The following MFHAS1 variants were observed in gnomAD, a reference collection of about 807,000 sequenced individuals.
The protein encoded by MFHAS1 is multifunctional ROCO family signaling regulator 1, also known as malignant fibrous histiocytoma-amplified sequence 1.
MFHAS1 carries 50 observed loss-of-function variants against 70.4 expected under a neutral mutation model. The observed-to-expected ratio is 0.71, with a 90% CI of 0.57 to 0.90. MFHAS1 has a LOEUF of 0.90. Among genes scored for constraint, MFHAS1 ranks in the 40% least tolerant of loss-of-function variants. The pLI, the probability that MFHAS1 is intolerant of heterozygous loss-of-function variation, is 0.00. For synonymous variants in MFHAS1, 952 were observed against 620.0 expected, an observed-to-expected ratio of 1.54 and a Z score of -7.96; for missense variants, 1,795 against 1,347.6, an observed-to-expected ratio of 1.33 and a Z score of -5.20.
At chr8:8,831,438 G>A (rs11994101) in intron 1 of MFHAS1, among the ~76,000 whole-genome samples, 107 of 152,092 alleles carry the variant, frequency 7.0e-4, no homozygotes, top group African/African-American at 2.4e-3. Flanking sequence ...CATACTACCT[G>A]ATCTGGAAAG....
At chr8:8,833,408 C>T (rs992084869) in intron 1 of MFHAS1, among the ~76,000 whole-genome samples, 3 of 152,054 alleles carry the variant, frequency 2.0e-5, no homozygotes, top group Admixed American at 2.0e-4. Flanking sequence ...GTGGGAGGAT[C>T]GCTTGAGGCC....
intron 1 of MFHAS1, among the ~76,000 whole-genome samples, chr8:8,818,202 AG>A (rs1167830685): frequency 8.7e-6 from 1 of 114,658 alleles, no homozygotes; most frequent in Non-Finnish European, 2.3e-5. Context: ...CAGTAGACTC[AG>A]AAGAGTTTCT....
chr8:8,880,678 TTTTTTG>T lies in MFHAS1; in HGVS notation c.2998+9377_2998+9382del, dbSNP rs796901913. On this transcript the variant is annotated intron_variant, in intron 1 of 2. Transcript: ENST00000276282. ...CGGTCTAGGGCAGGACATCCCTTCC[TTTTTTG>T]TTTTTTTTTTTTTTCCCCCAGATGG... Among the ~76,000 whole-genome samples, 1,227 of 140,622 alleles carry T rather than the reference TTTTTTG, an allele frequency of 8.7e-3. 14 individuals carry two copies. The highest frequency in any genetic ancestry group is 0.026 in the African/African-American group (955 of 36,860). The allele number at this position is 140,622 out of a possible 152,430, so 92.3% of individuals were successfully genotyped here.
intron 1 of MFHAS1, among the ~76,000 whole-genome samples, chr8:8,832,054 G>GCACACACA (rs370279756): frequency 0.07 from 7,890 of 112,500 alleles, 292 homozygotes; most frequent in Middle Eastern, 0.1. Flanking sequence ...ATGCACGCGC[G>GCACACACA]CGCGCGCGCA....
intron 1 of MFHAS1, among the ~76,000 whole-genome samples, chr8:8,885,588 T>G (rs980384421): frequency 3.9e-5 from 6 of 151,980 alleles, no homozygotes; most frequent in African/African-American, 7.3e-5. Context: ...AAGAAGAAAC[T>G]TGCTCTAAGA....
chr8:8,885,731 C>A (rs1486996859), intron 1 of MFHAS1, among the ~76,000 whole-genome samples: 1 of 152,176 alleles, frequency 6.6e-6, no homozygotes, highest in Non-Finnish European at 1.5e-5. Context: ...CTTTTCGGAG[C>A]CAGGGTCTTG....
intron 2 of MFHAS1, among the ~76,000 whole-genome samples, chr8:8,794,576 C>T (rs1805829960): frequency 6.6e-6 from 1 of 152,192 alleles, no homozygotes; most frequent in African/African-American, 2.4e-5. Context: ...TCTATAAAGT[C>T]ACACAAGAGA....
chr8:8,796,811 G>C (rs1483656062), intron 2 of MFHAS1, among the ~76,000 whole-genome samples: 5 of 151,452 alleles, frequency 3.3e-5, no homozygotes, highest in Non-Finnish European at 5.9e-5. Flanking sequence ...CTGGCTAACA[G>C]GGTGAAACCC....
Position 8,841,146 on chromosome 8 carries a change from T to C in MFHAS1, c.2999-43655A>G, listed in dbSNP as rs183989076. 6.1e-3 allele frequency among the ~76,000 whole-genome samples: 923 copies of C among 152,344 alleles called. 26 individuals are homozygous for C. Among genetic ancestry groups the C allele is most frequent in the Admixed American group, 0.052 (802 of 15,292 alleles). On this transcript the variant is annotated intron_variant, in intron 1 of 2. Coordinates refer to ENST00000276282, the MANE Select transcript of MFHAS1 (RefSeq NM_004225.3). ...CGCATATTCCTTAAGATATTCTTCA[T>C]GTGCTAAAAATACCGATGGCGGGCT... is the stretch of plus-strand genomic sequence containing the variant.
chr8:8,892,797 T>G lies in MFHAS1; in HGVS notation c.262A>C (p.Ser88Arg). The G allele has an allele frequency of 6.3e-7, 1 of 1,586,212 alleles. No homozygotes were observed. The highest frequency in any genetic ancestry group is 8.6e-7 in the Non-Finnish European group (1 of 1,166,894). The change falls in exon 1 of 3, where the codon AGC becomes CGC. Residue 88 changes from serine (S) to arginine (R), a missense_variant. By Grantham distance (110) the Ser-to-Arg change is moderately radical. Transcript: ENST00000276282. This position sits in a 1 kb window ranked among gnomAD's most constrained non-coding sequence, Gnocchi z 4.7. ...VPEGLGSALG[S>R]LRVLVLRRNR... ...CTGCGCAGGACCAGGACGCGCAGGC[T>G]GCCCAGCGCCGACCCCAGCCCCTCG...
At chr8:8,817,890 G>A (rs549120546) in intron 1 of MFHAS1, among the ~76,000 whole-genome samples, 13 of 152,240 alleles carry the variant, frequency 8.5e-5, no homozygotes, top group African/African-American at 2.2e-4. Flanking sequence ...TGTGAGCTAC[G>A]GGGAGCAGCT....
intron 1 of MFHAS1, among the ~76,000 whole-genome samples, chr8:8,887,279 G>A (rs2116941839): frequency 6.6e-6 from 1 of 152,080 alleles, no homozygotes; most frequent in East Asian, 1.9e-4. Context: ...ACATAATTCT[G>A]TTCCCACATT....
intron 1 of MFHAS1, among the ~76,000 whole-genome samples, chr8:8,860,786 G>T (rs1021435583): frequency 2.0e-5 from 3 of 152,190 alleles, no homozygotes; most frequent in South Asian, 2.1e-4. Context: ...TTGAAAAAGG[G>T]TGAGAGAGAT....
At chr8:8,859,832 T>C (rs1331757033) in intron 1 of MFHAS1, among the ~76,000 whole-genome samples, 2 of 152,218 alleles carry the variant, frequency 1.3e-5, no homozygotes, top group Non-Finnish European at 2.9e-5. Flanking sequence ...AAAAGTTAGA[T>C]GTTCAACTGA....
chr8:8,851,613 T>C (rs751397879), intron 1 of MFHAS1, among the ~76,000 whole-genome samples: 2 of 152,246 alleles, frequency 1.3e-5, no homozygotes, highest in Non-Finnish European at 2.9e-5. Flanking sequence ...AAGTTTACAG[T>C]TCTTATCTAC....
At chr8:8,806,991 A>ATGAGGCACCACT (rs1277680280) in intron 1 of MFHAS1, among the ~76,000 whole-genome samples, 1 of 151,912 alleles carries the variant, frequency 6.6e-6, no homozygotes, top group South Asian at 2.1e-4. Flanking sequence ...GAAAGGAACC[A>ATGAGGCACCACT]TGAGGCACCA....
At chr8:8,800,984 G>A (rs1183790384) in intron 1 of MFHAS1, among the ~76,000 whole-genome samples, 1 of 152,136 alleles carries the variant, frequency 6.6e-6, no homozygotes, top group Non-Finnish European at 1.5e-5. Flanking sequence ...GGGAGGCCGA[G>A]GTGGGCGGAT....
At chr8:8,793,151 ATAAGAG>A (rs1388352779) in intron 2 of MFHAS1, among the ~76,000 whole-genome samples, 2 of 151,748 alleles carry the variant, frequency 1.3e-5, no homozygotes, top group African/African-American at 2.4e-5. Flanking sequence ...GAGACAAGTT[ATAAGAG>A]TAAATCATGT....
intron 1 of MFHAS1, among the ~76,000 whole-genome samples, chr8:8,881,962 G>A (rs1225689982): frequency 6.6e-6 from 1 of 152,128 alleles, no homozygotes; most frequent in South Asian, 2.1e-4. Context: ...GCTGCTAAGT[G>A]CCCCTTGCCC....
Sources: allele counts gnomAD v4.1 joint callset (sites outside exome capture counted in the v4.1 genomes callset), GRCh38; gene constraint gnomAD v4.1.1; non-coding constraint Gnocchi (gnomAD v3.1); transcripts MANE v1.5; gene names NCBI Gene and HGNC (gene_info 2026-07-23, HGNC 2026-07-21).